Variants in KLF12 observed in about 807,000 individuals in gnomAD.
The protein encoded by KLF12 is KLF transcription factor 12, also known as Krueppel-like factor 12.
In KLF12, 9 loss-of-function variants were observed where a neutral mutation model predicts 37.8. The observed-to-expected ratio is 0.24, with a 90% CI of 0.14 to 0.42. KLF12 has a LOEUF of 0.42. Ranked by LOEUF, KLF12 falls within the 10% of genes least tolerant of loss-of-function variation. The pLI is 1.00. For missense variants in KLF12, 411 were observed against 516.0 expected, an observed-to-expected ratio of 0.80 and a Z score of 1.97; for synonymous variants, 208 against 202.1, an observed-to-expected ratio of 1.03 and a Z score of -0.25.
chr13:74,277,671 T>C, the KLF12 span, among the ~76,000 whole-genome samples: 2 of 152,192 alleles, frequency 1.3e-5, no homozygotes, highest in Non-Finnish European at 2.9e-5. Flanking sequence ...TATAGGGCTA[T>C]TCCTTCCCCT....
intron 1 of KLF12, among the ~76,000 whole-genome samples, chr13:74,114,403 T>C (rs1877163668): frequency 6.6e-6 from 1 of 152,206 alleles, no homozygotes; most frequent in Non-Finnish European, 1.5e-5. Context: ...ATAACTATTA[T>C]GCTTTGGGGA....
chr13:73,739,021 A>T (rs931581989), intron 6 of KLF12, among the ~76,000 whole-genome samples: 1 of 152,140 alleles, frequency 6.6e-6, no homozygotes, highest in African/African-American at 2.4e-5. Context: ...GATCACTTGA[A>T]GTCAGCAGTT....
the KLF12 span, among the ~76,000 whole-genome samples, chr13:74,279,354 TATGACTTCCACCCTAAATGGAAG>T: frequency 2.0e-5 from 3 of 152,154 alleles, no homozygotes; most frequent in Non-Finnish European, 4.4e-5. Context: ...TTCTGACTTC[TATGACTTCCACCCTAAATGGAAG>T]AAATGTTATG....
intron 7 of KLF12, among the ~76,000 whole-genome samples, chr13:73,711,650 C>T (rs947149497): frequency 6.6e-6 from 1 of 152,184 alleles, no homozygotes; most frequent in African/African-American, 2.4e-5. Context: ...TTACTGCTCA[C>T]TGACAATGCA....
At chr13:73,840,459 G>C (rs1884679875) in intron 4 of KLF12, among the ~76,000 whole-genome samples, 1 of 152,020 alleles carries the variant, frequency 6.6e-6, no homozygotes, top group African/African-American at 2.4e-5. Context: ...ATTAAAATGT[G>C]GAACAGGCAT....
At chr13:73,833,700 C>T (rs929739575) in intron 4 of KLF12, among the ~76,000 whole-genome samples, 4 of 152,070 alleles carry the variant, frequency 2.6e-5, no homozygotes, top group African/African-American at 7.2e-5. Flanking sequence ...CTTCCCTTTG[C>T]TTTCTACATG....
intron 6 of KLF12, among the ~76,000 whole-genome samples, chr13:73,755,549 G>A (rs2138007339): frequency 6.6e-6 from 1 of 152,222 alleles, no homozygotes; most frequent in African/African-American, 2.4e-5. Flanking sequence ...GTGGTAGTAA[G>A]AGATTCCTTT....
At position 73,872,667 on chromosome 13, in the gene KLF12, A is replaced by G. The variant is rs549454775; in HGVS notation, c.124-26294T>C. 4.7e-4 allele frequency among the ~76,000 whole-genome samples: 71 copies of G among 152,326 alleles called. 1 individual carries two copies. Among genetic ancestry groups the G allele is most frequent in the African/African-American group, 1.7e-3 (71 of 41,576 alleles). ...ATCACAAGCTCTTGATGAGTGCAGA[A>G]TCCAGTTCTTTGGTGCCAGAATCTA... On this transcript the variant is annotated intron_variant, in intron 3 of 7. Transcript: ENST00000377669.
chr13:74,056,528 T>C (rs930689006), intron 1 of KLF12, among the ~76,000 whole-genome samples: 1 of 152,216 alleles, frequency 6.6e-6, no homozygotes, highest in African/African-American at 2.4e-5. Flanking sequence ...GCATGAGAAT[T>C]CGATTTAACA....
At chr13:73,872,428 A>T (rs1311342058) in intron 3 of KLF12, among the ~76,000 whole-genome samples, 4 of 152,226 alleles carry the variant, frequency 2.6e-5, no homozygotes, top group Non-Finnish European at 4.4e-5. Flanking sequence ...CAGTATATGG[A>T]TTACTAAATC....
chr13:74,292,103 A>T, the KLF12 span, among the ~76,000 whole-genome samples: 1 of 152,220 alleles, frequency 6.6e-6, no homozygotes, highest in South Asian at 2.1e-4. Flanking sequence ...CTACCATTCT[A>T]TTAAAGTTAG....
intron 1 of KLF12, among the ~76,000 whole-genome samples, chr13:74,126,290 G>A (rs1877938053): frequency 6.6e-6 from 1 of 152,042 alleles, no homozygotes; most frequent in Admixed American, 6.5e-5. Context: ...GATTTTGTAC[G>A]TTTTCTCCTG....
the KLF12 span, among the ~76,000 whole-genome samples, chr13:74,265,147 C>G: frequency 1.3e-5 from 2 of 152,098 alleles, no homozygotes. Context: ...CTACTAGTAT[C>G]TACAAAAATG....
intron 2 of KLF12, among the ~76,000 whole-genome samples, chr13:73,950,589 T>C (rs917866979): frequency 6.6e-6 from 1 of 152,134 alleles, no homozygotes; most frequent in South Asian, 2.1e-4. Context: ...TTCCATTCCA[T>C]CTGCACCACA....
At chr13:74,291,651 G>GA in the KLF12 span, among the ~76,000 whole-genome samples, 1 of 152,204 alleles carries the variant, frequency 6.6e-6, no homozygotes, top group Non-Finnish European at 1.5e-5. Context: ...AAAAAGACTA[G>GA]AAAGTGTTCA....
chr13:73,764,985 TG>T lies in KLF12; in HGVS notation c.821del (p.Pro274GlnfsTer10). On this transcript the variant is annotated frameshift_variant, in exon 6 of 8. Transcript: ENST00000377669. LOFTEE classifies it high-confidence loss of function. ...TTCGATTGCCCCGGACCCTTGATAC[TG>T]GGGACGGATGTACCCTGTAGACAGA... 1 of 1,570,230 alleles carries T rather than the reference TG, an allele frequency of 6.4e-7. No homozygotes were observed. The highest frequency in any genetic ancestry group is 8.8e-7 in the Non-Finnish European group (1 of 1,140,784).
At chr13:74,113,120 T>C (rs1248149293) in intron 1 of KLF12, among the ~76,000 whole-genome samples, 1 of 152,172 alleles carries the variant, frequency 6.6e-6, no homozygotes, top group East Asian at 1.9e-4. Context: ...AAAGTTGCGT[T>C]GGAAGCCGGA....
chr13:74,009,596 A>G (rs1215577107), intron 1 of KLF12, among the ~76,000 whole-genome samples: 2 of 152,170 alleles, frequency 1.3e-5, no homozygotes, highest in Non-Finnish European at 2.9e-5. Flanking sequence ...GGAACAAGAG[A>G]GAAGGAGAGA....
chr13:73,927,351 G>A (rs1889440556), intron 3 of KLF12, among the ~76,000 whole-genome samples: 2 of 152,114 alleles, frequency 1.3e-5, no homozygotes, highest in African/African-American at 4.8e-5. Flanking sequence ...ACAAAGCAAT[G>A]AGGAACGTAC....
Sources: allele counts gnomAD v4.1 joint callset (sites outside exome capture counted in the v4.1 genomes callset), GRCh38; gene constraint gnomAD v4.1.1; transcripts MANE v1.5; gene names NCBI Gene and HGNC (gene_info 2026-07-23, HGNC 2026-07-21).